The following VAC14 variants were observed in gnomAD, a reference collection of about 807,000 sequenced individuals.
VAC14 encodes VAC14 component of PIKFYVE complex, also known as protein VAC14 homolog.
In VAC14, 47 loss-of-function variants were observed where a neutral mutation model predicts 85.3. The ratio of observed to expected loss-of-function variants is 0.55; its 90% CI spans 0.44 to 0.70. VAC14 has a LOEUF of 0.70. VAC14 is among the 30% of genes least tolerant of loss of function. The pLI is 0.00. For missense variants in VAC14, 861 were observed against 1,004.3 expected, an observed-to-expected ratio of 0.86 and a Z score of 1.93; for synonymous variants, 447 against 430.5, an observed-to-expected ratio of 1.04 and a Z score of -0.47.
chr16:70,800,780 G>A lies in VAC14; in HGVS notation c.104+17C>T, dbSNP rs905561358. On this transcript the variant is annotated intron_variant, in intron 1 of 18. Coordinates refer to ENST00000261776, the MANE Select transcript of VAC14 (RefSeq NM_018052.5). ...TCAGGGGCTGCATAGCCAGGGAGGGGTCCTGGCGGCTCTTACTTCTCGATC... is the reference window on the plus strand; with the variant it reads ...TCAGGGGCTGCATAGCCAGGGAGGGATCCTGGCGGCTCTTACTTCTCGATC... 9 of 1,602,418 alleles carry A rather than the reference G, an allele frequency of 5.6e-6. No homozygotes were observed. Among genetic ancestry groups the A allele is most frequent in the Middle Eastern group, 1.7e-4 (1 of 6,042 alleles).
At chr16:70,730,157 G>A (rs903641517) in intron 14 of VAC14, among the ~76,000 whole-genome samples, 4 of 151,664 alleles carry the variant, frequency 2.6e-5, no homozygotes, top group African/African-American at 4.9e-5. Context: ...CCTCATTCTC[G>A]AATCCGGCTG....
chr16:70,692,780 T>A (rs750847077), intron 18 of VAC14, 41 bp downstream of exon 18: 15 of 1,575,586 alleles, frequency 9.5e-6, no homozygotes, highest in Non-Finnish European at 8.6e-7. Context: ...GGCCTGTCCC[T>A]GCTCAGGGGG....
intron 13 of VAC14, among the ~76,000 whole-genome samples, chr16:70,743,063 T>C (rs893894426): frequency 6.7e-6 from 1 of 150,336 alleles, no homozygotes; most frequent in Non-Finnish European, 1.5e-5. Context: ...GTCTAAAGGA[T>C]TGTAAACGCA....
chr16:70,730,946 C>T (rs780648045), intron 14 of VAC14, among the ~76,000 whole-genome samples: 2 of 152,214 alleles, frequency 1.3e-5, no homozygotes, highest in Non-Finnish European at 2.9e-5. Flanking sequence ...GAGGGTGACA[C>T]TGGGCCACTC....
At chr16:70,756,733 T>G (rs762381563) in intron 12 of VAC14, among the ~76,000 whole-genome samples, 43 of 152,284 alleles carry the variant, frequency 2.8e-4, no homozygotes, top group Non-Finnish European at 4.1e-4. Context: ...CGGGCCACCT[T>G]GGACCGGGTA....
Position 70,762,478 on chromosome 16 carries a change from C to T in VAC14, c.1371+62G>A. On this transcript the variant is annotated intron_variant, in intron 12 of 18. Coordinates refer to ENST00000261776, the MANE Select transcript of VAC14 (RefSeq NM_018052.5). The surrounding 1 kb of genome is among the most constrained non-coding windows in gnomAD (Gnocchi z 4.1). Reference sequence around the variant, plus strand: ...TGTACCAAAATAAGCATATCTCAGTCACTAACAAGGGGAGGCAGGGCAGCC... The same window carrying T: ...TGTACCAAAATAAGCATATCTCAGTTACTAACAAGGGGAGGCAGGGCAGCC... 2 of 1,503,472 alleles carry T rather than the reference C, an allele frequency of 1.3e-6. No homozygotes were observed. Among genetic ancestry groups the T allele is most frequent in the East Asian group, 2.3e-5 (1 of 43,906 alleles). The allele number at this position is 1,503,472 out of a possible 1,614,324, so 93.1% of individuals were successfully genotyped here.
intron 14 of VAC14, chr16:70,714,498 G>C (rs1473110749): frequency 6.6e-6 from 1 of 152,240 alleles, no homozygotes; most frequent in Admixed American, 6.5e-5. Flanking sequence ...AACAGAGGTA[G>C]GTGGGGGTCT....
At chr16:70,702,135 C>G (rs1324902678) in intron 14 of VAC14, among the ~76,000 whole-genome samples, 1 of 152,252 alleles carries the variant, frequency 6.6e-6, no homozygotes, top group African/African-American at 2.4e-5. Flanking sequence ...CCAGCGCATT[C>G]TCTCTGTTCA....
intron 9 of VAC14, among the ~76,000 whole-genome samples, chr16:70,777,609 C>T (rs906396198): frequency 6.6e-6 from 1 of 152,118 alleles, no homozygotes; most frequent in Non-Finnish European, 1.5e-5. Flanking sequence ...AAGTGGCAGG[C>T]CAAGGGGGAG....
Position 70,744,430 on chromosome 16 carries a change from G to A in VAC14, c.1521C>T (p.Asn507=), listed in dbSNP as rs545971776. 1 of 1,614,080 alleles carries A rather than the reference G, an allele frequency of 6.2e-7. No individual in the cohort carries two copies. Among genetic ancestry groups the A allele is most frequent in the South Asian group, 1.1e-5 (1 of 91,084 alleles). The stretch of plus-strand genomic sequence containing the variant: ...CTTCAGGAGAAGACTTACCAGAGGT[G>A]TTCAGTAGGCCGGCTCTGCCAGGGG... ...VPTPGRAGLL[N]TSGTKGLECS... Residue 507 remains asparagine, a synonymous_variant, in exon 13 of 19, where the codon AAC becomes AAT. Transcript: ENST00000261776.
At chr16:70,773,499 A>C (rs1262651134) in intron 9 of VAC14, among the ~76,000 whole-genome samples, 4 of 152,148 alleles carry the variant, frequency 2.6e-5, no homozygotes, top group Non-Finnish European at 5.9e-5. Flanking sequence ...TGCTGGTAGG[A>C]TCCTGTTCCG....
intron 14 of VAC14, among the ~76,000 whole-genome samples, chr16:70,719,301 T>C (rs1445793618): frequency 6.6e-6 from 1 of 152,182 alleles, no homozygotes; most frequent in African/African-American, 2.4e-5. Flanking sequence ...CATGGATATG[T>C]TTCCATGAGC....
intron 12 of VAC14, among the ~76,000 whole-genome samples, chr16:70,760,913 G>T (rs1338675380): frequency 6.6e-6 from 1 of 150,588 alleles, no homozygotes; most frequent in Non-Finnish European, 1.5e-5. Context: ...GCAGAACGGG[G>T]CCAAGTCCAC....
chr16:70,768,773 A>C (rs2032997060), intron 10 of VAC14: 11 of 452,206 alleles, frequency 2.4e-5, no homozygotes, highest in South Asian at 1.7e-4. Context: ...AACCCCTGAA[A>C]GTGAATTCAG....
At chr16:70,758,563 C>A (rs1290217290) in intron 12 of VAC14, among the ~76,000 whole-genome samples, 1 of 152,166 alleles carries the variant, frequency 6.6e-6, no homozygotes, top group Admixed American at 6.5e-5. Flanking sequence ...ACCATCGGGA[C>A]CATGGAGAGG....
intron 14 of VAC14, among the ~76,000 whole-genome samples, chr16:70,722,572 A>G (rs1240633229): frequency 6.6e-6 from 1 of 152,188 alleles, no homozygotes; most frequent in Non-Finnish European, 1.5e-5. Context: ...AACCCAGGGA[A>G]ACACGCTGAA....
rs2053690249 is a variant in VAC14, at chr16:70,695,619, C to T, written c.1960G>A (p.Asp654Asn). ...AGGAAGTCCACGGTGACCTCCAGGT[C>T]CCCACTGGGTGTGCAGTCAAGGAAA... ...HAYDLIQKFG[D>N]LEVTVDFLAE... The change falls in exon 17 of 19, where the codon GAC (aspartate) becomes AAC (asparagine). Residue 654 changes from aspartate (D) to asparagine (N), a missense_variant. Asp to Asn is a conservative substitution (Grantham distance 23, BLOSUM62 1). Around this residue, in one of 3 missense-constraint regions of VAC14, gnomAD observed 69 missense variants for 139.0 expected, o/e 0.50. Transcript: ENST00000261776. 1 of 1,613,380 alleles carries T rather than the reference C, an allele frequency of 6.2e-7. No homozygotes were observed. The highest frequency in any genetic ancestry group is 1.7e-5 in the Admixed American group (1 of 59,994).
intron 10 of VAC14, among the ~76,000 whole-genome samples, chr16:70,767,569 C>G (rs1291333163): frequency 1.3e-5 from 2 of 152,188 alleles, no homozygotes; most frequent in Admixed American, 6.5e-5. Flanking sequence ...GGACTTCATA[C>G]AACACCTGTT....
At chr16:70,693,121 G>C in intron 17 of VAC14, 150 bp from the exon 18 acceptor site, 1 of 1,085,722 alleles carries the variant, frequency 9.2e-7, no homozygotes, top group Non-Finnish European at 1.3e-6. Context: ...GACCCAGCCA[G>C]GTGGCTGTGG....
Sources: allele counts gnomAD v4.1 joint callset (sites outside exome capture counted in the v4.1 genomes callset), GRCh38; gene constraint gnomAD v4.1.1; regional missense constraint gnomAD v4.1.1; non-coding constraint Gnocchi (gnomAD v3.1); transcripts MANE v1.5; gene names NCBI Gene and HGNC (gene_info 2026-07-23, HGNC 2026-07-21).